The following BTNL2 variants were observed in gnomAD, a reference collection of about 807,000 sequenced individuals.
BTNL2 encodes butyrophilin-like protein 2.
In BTNL2, 46 loss-of-function variants were observed where a neutral mutation model predicts 46.8. The ratio of observed to expected loss-of-function variants is 0.98; its 90% confidence interval spans 0.78 to 1.26. The LOEUF is 1.26. Among genes scored for constraint, BTNL2 ranks in the 50% most tolerant of loss-of-function variants. The pLI, the probability that BTNL2 is intolerant of heterozygous loss-of-function variation, is 0.00. For missense variants in BTNL2, 461 were observed against 592.6 expected, an observed-to-expected ratio of 0.78 and a Z score of 2.31; for synonymous variants, 226 against 229.1, an observed-to-expected ratio of 0.99 and a Z score of 0.12.
At position 32,394,273 on chromosome 6, in the gene BTNL2, G is replaced by GTTT; in HGVS notation, c.1361-219_1361-217dup. Among the ~76,000 whole-genome samples the GTTT allele has an allele frequency of 9.1e-6, 1 of 109,618 alleles. No homozygotes were observed. The highest frequency in any genetic ancestry group is 3.2e-5 in the African/African-American group (1 of 31,116). The allele number at this position is 109,618 out of a possible 152,430, so 71.9% of individuals were successfully genotyped here. A position where few individuals can be genotyped will look rare whatever the true frequency, so the allele number is the denominator to read the frequency against. ...CAGAAATGTACACATGCACAGACAA[G>GTTT]TTTTCCCTTCTCTCTTCCAACTATA... On this transcript the variant is annotated intron_variant, in intron 6 of 7. Coordinates refer to ENST00000454136, the MANE Select transcript of BTNL2 (RefSeq NM_001304561.2). The surrounding 1 kb of genome is among the most constrained non-coding windows in gnomAD (Gnocchi z 4.6).
At position 32,396,419 on chromosome 6, in the gene BTNL2, G is replaced by C. The variant is rs1415013617; in HGVS notation, c.731-33C>G. On this transcript the variant is annotated intron_variant, in intron 4 of 7. Coordinates refer to ENST00000454136, the MANE Select transcript of BTNL2 (RefSeq NM_001304561.2). This position sits in a 1 kb window ranked among gnomAD's most constrained non-coding sequence, Gnocchi z 4.4. Reference sequence around the variant, plus strand: ...ATAGAGTGGACAAAACACAATGAAAGAATCAAAATGGAACCAATAATGTCA... The same window carrying C: ...ATAGAGTGGACAAAACACAATGAAACAATCAAAATGGAACCAATAATGTCA... 1 of 1,562,264 alleles carries C rather than the reference G, an allele frequency of 6.4e-7. No homozygotes were observed. The highest frequency in any genetic ancestry group is 8.8e-7 in the Non-Finnish European group (1 of 1,141,696).
intron 2 of BTNL2, 58 bp from the exon 3 acceptor site, chr6:32,403,274 G>A (rs1411988634): frequency 1.3e-6 from 2 of 1,521,638 alleles, no homozygotes; most frequent in East Asian, 2.5e-5. Flanking sequence ...AAATCACAGA[G>A]GCTGAGATCC....
intron 4 of BTNL2, among the ~76,000 whole-genome samples, chr6:32,400,390 G>A (rs1776677300): frequency 6.6e-6 from 1 of 152,122 alleles, no homozygotes; most frequent in Non-Finnish European, 1.5e-5. Context: ...TTGATGGAGA[G>A]CAAGGAATTG....
intron 4 of BTNL2, among the ~76,000 whole-genome samples, chr6:32,397,649 C>T (rs1776531231): frequency 6.6e-6 from 1 of 152,202 alleles, no homozygotes; most frequent in Admixed American, 6.5e-5. Flanking sequence ...TATACAACTA[C>T]CAAAATCATA....
intron 1 of BTNL2, 71 bp from the exon 2 acceptor site, chr6:32,405,357 C>T (rs776176664): frequency 3.5e-6 from 5 of 1,435,424 alleles, no homozygotes; most frequent in Non-Finnish European, 4.8e-6. Flanking sequence ...TTGGGGTGTC[C>T]AGCCTGTCAA....
chr6:32,404,972 A>C lies in BTNL2; in HGVS notation c.394T>G (p.Cys132Gly). The change falls in exon 2 of 8, where the codon TGT becomes GGT. Residue 132 changes from cysteine (C) to glycine (G), a missense_variant. Physicochemically the swap from Cys to Gly is radical, Grantham distance 159. Transcript: ENST00000454136. ...YWCHFQDGNY[C>G]GETSLLLKVA... ...TTGAGCAGCAAGCTTGTTTCTCCAC[A>C]GTAGTTCCCATCCTGGAAATGGCAC... 3 of 1,613,084 alleles carry C rather than the reference A, an allele frequency of 1.9e-6. No individual in the cohort carries two copies. Among genetic ancestry groups the C allele is most frequent in the Non-Finnish European group, 1.7e-6 (2 of 1,180,024 alleles).
Position 32,399,151 on chromosome 6 carries a change from TC to T in BTNL2, c.730+2633del, listed in dbSNP as rs1776611752. ...CATCCATGTGTTCTCACCAATCAGC[TC>T]CCCCTTATAAGTGTGAACATGCAGT... On this transcript the variant is annotated intron_variant, in intron 4 of 7. Coordinates refer to ENST00000454136, the MANE Select transcript of BTNL2 (RefSeq NM_001304561.2). This position sits in a 1 kb window ranked among gnomAD's most constrained non-coding sequence, Gnocchi z 5.2. 6.6e-6 allele frequency among the ~76,000 whole-genome samples: 1 copy of T among 152,194 alleles called. No individual in the cohort carries two copies. The highest frequency in any genetic ancestry group is 1.5e-5 in the Non-Finnish European group (1 of 68,032).
chr6:32,403,086 C>T lies in BTNL2; in HGVS notation c.558G>A (p.Leu186=), dbSNP rs756449026. Residue 186 remains leucine, a synonymous_variant, in exon 3 of 8, where the codon CTG becomes CTA. Transcript: ENST00000454136. The part of the protein sequence containing the change: ...YWEDIRGEKL[L]AVSEHRIQDK... ...CTTGGATGCGATGCTCAGACACGGC[C>T]AGCAGCTTCTCTCCCCGGATGTCTT... 5.0e-6 allele frequency: 8 copies of T among 1,612,796 alleles called. No homozygotes were observed. In the South Asian group the frequency reaches 6.6e-5, roughly 13 times the overall value.
chr6:32,402,883 G>A, intron 3 of BTNL2, 52 bp downstream of exon 3: 4 of 1,577,800 alleles, frequency 2.5e-6, no homozygotes, highest in Non-Finnish European at 3.5e-6. Context: ...TGCAGTCCCT[G>A]GGACCTCTCC....
chr6:32,396,976 AAAAC>A lies in BTNL2; in HGVS notation c.731-594_731-591del, dbSNP rs558466742. ...GGCTGGGTGACAAAGCGAGACTTTAAAAACAAACAAACAAAAAACACCCAGAATA... is the reference window on the plus strand; with the variant it reads ...GGCTGGGTGACAAAGCGAGACTTTAAAAACAAACAAAAAACACCCAGAATA... On this transcript the variant is annotated intron_variant, in intron 4 of 7. Transcript: ENST00000454136. The surrounding 1 kb of genome is among the most constrained non-coding windows in gnomAD (Gnocchi z 4.4). 5.4e-3 allele frequency among the ~76,000 whole-genome samples: 810 copies of A among 149,292 alleles called. 9 individuals are homozygous for A. The highest frequency in any genetic ancestry group is 0.018 in the African/African-American group (762 of 41,418).
chr6:32,396,895 G>A lies in BTNL2; in HGVS notation c.731-509C>T, dbSNP rs142407739. Among the ~76,000 whole-genome samples, 810 of 152,128 alleles carry A rather than the reference G, an allele frequency of 5.3e-3. 9 individuals are homozygous for A. Among genetic ancestry groups the A allele is most frequent in the African/African-American group, 0.018 (766 of 41,526 alleles). ...CTCAGGAGGCTGAGGTGGAAAAATT[G>A]CTCGAACCCGGGAGGCAGAGGTTGC... is the stretch of plus-strand genomic sequence containing the variant. On this transcript the variant is annotated intron_variant, in intron 4 of 7. Transcript: ENST00000454136. This position sits in a 1 kb window ranked among gnomAD's most constrained non-coding sequence, Gnocchi z 4.4.
At position 32,399,520 on chromosome 6, in the gene BTNL2, A is replaced by G. The variant is rs144540865; in HGVS notation, c.730+2265T>C. On this transcript the variant is annotated intron_variant, in intron 4 of 7. Transcript: ENST00000454136. This position sits in a 1 kb window ranked among gnomAD's most constrained non-coding sequence, Gnocchi z 5.2. ...CAACCTGTTCACTTTAAAGATGAGA[A>G]AAATAGAGATGAATGAGCTGACAAA... Among the ~76,000 whole-genome samples, 103 of 152,336 alleles carry G rather than the reference A, an allele frequency of 6.8e-4. 1 individual carries two copies. The highest frequency in any genetic ancestry group is 2.3e-3 in the African/African-American group (95 of 41,586).
intron 3 of BTNL2, 102 bp from the exon 4 acceptor site, chr6:32,401,907 G>A: frequency 1.1e-6 from 1 of 870,674 alleles, no homozygotes; most frequent in Non-Finnish European, 1.7e-6. Flanking sequence ...ATATAGGGAA[G>A]CTCAATTCAT....
At chr6:32,401,164 C>T (rs1414908950) in intron 4 of BTNL2, among the ~76,000 whole-genome samples, 2 of 126,912 alleles carry the variant, frequency 1.6e-5, no homozygotes, top group African/African-American at 6.1e-5. Flanking sequence ...GCCAAGATCG[C>T]GCCACTGCAC....
chr6:32,405,465 T>C, intron 1 of BTNL2, 179 bp from the exon 2 acceptor site: 1 of 747,588 alleles, frequency 1.3e-6, no homozygotes, highest in Non-Finnish European at 2.3e-6. Flanking sequence ...GTCAATTTTG[T>C]GTACTGAAAA....
At position 32,399,624 on chromosome 6, in the gene BTNL2, C is replaced by A. The variant is rs118178918; in HGVS notation, c.730+2161G>T. Among the ~76,000 whole-genome samples, 2,669 of 152,194 alleles carry A rather than the reference C, an allele frequency of 0.018. 76 individuals carry two copies. Among genetic ancestry groups the A allele is most frequent in the East Asian group, 0.11 (566 of 5,174 alleles). The stretch of plus-strand genomic sequence containing the variant: ...AGAAGGTAAACATCACCATTTCTTC[C>A]TGATTTTTGGCAAACCATGTATGTC... On this transcript the variant is annotated intron_variant, in intron 4 of 7. Coordinates refer to ENST00000454136, the MANE Select transcript of BTNL2 (RefSeq NM_001304561.2). The surrounding 1 kb of genome is among the most constrained non-coding windows in gnomAD (Gnocchi z 5.2).
Position 32,399,821 on chromosome 6 carries a change from A to G in BTNL2, c.730+1964T>C, listed in dbSNP as rs117677057. Among the ~76,000 whole-genome samples, 2,665 of 152,330 alleles carry G rather than the reference A, an allele frequency of 0.017. 76 individuals are homozygous for G. Among genetic ancestry groups the G allele is most frequent in the East Asian group, 0.11 (566 of 5,186 alleles). On this transcript the variant is annotated intron_variant, in intron 4 of 7. Transcript: ENST00000454136. This position sits in a 1 kb window ranked among gnomAD's most constrained non-coding sequence, Gnocchi z 5.2. ...TGAAAAACATTATTTGTAAGACTAC[A>G]AGCAGTGATTTCAGTCTTAGGACTT...
In BTNL2 at chr6:32,393,874, T is replaced by C. The variant is rs982571612; in HGVS notation, c.*6+89A>G. 14 of 1,485,440 alleles carry C rather than the reference T, an allele frequency of 9.4e-6. No individual in the cohort carries two copies. Among genetic ancestry groups the C allele is most frequent in the Admixed American group, 4.7e-5 (2 of 42,848 alleles). 92.0% of individuals were successfully genotyped at this position (1,485,440 alleles called of 1,614,324 possible). A position where few individuals can be genotyped will look rare whatever the true frequency, so the allele number is the denominator to read the frequency against. ...CTGGATATTCACTGACTGCCTCCCA[T>C]AGGTGACTTGTGAAAAGGGAGGCTC... On this transcript the variant is annotated intron_variant, in intron 7 of 7. Transcript: ENST00000454136. The surrounding 1 kb of genome is among the most constrained non-coding windows in gnomAD (Gnocchi z 4.8).
At chr6:32,404,580 C>T (rs1229582929) in intron 2 of BTNL2, among the ~76,000 whole-genome samples, 1 of 152,162 alleles carries the variant, frequency 6.6e-6, no homozygotes, top group African/African-American at 2.4e-5. Context: ...AAACCAATGC[C>T]CTGAGATACA....
Sources: gnomAD v4.1 joint callset for allele counts (sites outside exome capture counted in the v4.1 genomes callset) on GRCh38, gnomAD v4.1.1 for gene constraint, Gnocchi (gnomAD v3.1) non-coding constraint, MANE v1.5 for transcripts, NCBI Gene and HGNC (gene_info 2026-07-23, HGNC 2026-07-21) for gene names.